VIT: variants seen among roughly 807,000 people sequenced by gnomAD.
The protein encoded by VIT is vitrin.
A neutral mutation model predicts 78.0 loss-of-function variants in VIT; 99 were observed. The observed-to-expected ratio is 1.27, with a 90% confidence interval of 1.08 to 1.50. The LOEUF is 1.50. VIT is among the 40% of genes most tolerant of loss of function. The pLI, the probability that VIT is intolerant of heterozygous loss-of-function variation, is 0.00. For missense variants in VIT, 1,126 were observed against 875.3 expected (o/e 1.29, Z -3.61); for synonymous variants, 374 against 334.3 (o/e 1.12, Z -1.29).
intron 12 of VIT, among the ~76,000 whole-genome samples, chr2:36,793,574 A>T (rs1024335788): frequency 2.0e-5 from 3 of 152,240 alleles, no homozygotes; most frequent in Non-Finnish European, 2.9e-5. Flanking sequence ...CTGTCGTGTG[A>T]CCTGAAACAT....
intron 12 of VIT, among the ~76,000 whole-genome samples, chr2:36,788,897 A>G (rs1248735695): frequency 1.3e-5 from 2 of 152,318 alleles, no homozygotes; most frequent in East Asian, 3.9e-4. Flanking sequence ...TGATGAGAGC[A>G]TGGATTAGAG....
chr2:36,802,163 G>A (rs1217532507), intron 13 of VIT, among the ~76,000 whole-genome samples: 1 of 152,208 alleles, frequency 6.6e-6, no homozygotes, highest in East Asian at 1.9e-4. Flanking sequence ...CTAGTCCTCA[G>A]TGGGGCATGT....
At chr2:36,805,308 G>GAAAA (rs567911067) in intron 13 of VIT, 130 bp from the exon 14 acceptor site, 2,123 of 583,638 alleles carry the variant, frequency 3.6e-3, no homozygotes, top group South Asian at 6.6e-3. Context: ...TGTCTCAAAG[G>GAAAA]AAAAAAAAAA....
chr2:36,720,547 G>C (rs975067863), intron 2 of VIT, among the ~76,000 whole-genome samples: 2 of 152,160 alleles, frequency 1.3e-5, no homozygotes, highest in Admixed American at 6.5e-5. Flanking sequence ...GTGTACCAAA[G>C]GATGTTATAC....
intron 1 of VIT, among the ~76,000 whole-genome samples, chr2:36,701,576 T>A (rs1665060010): frequency 6.6e-6 from 1 of 152,156 alleles, no homozygotes; most frequent in South Asian, 2.1e-4. Flanking sequence ...CAGGCTATAG[T>A]GAGAAGGCAT....
At chr2:36,765,414 C>CGA (rs71398212) in intron 6 of VIT, among the ~76,000 whole-genome samples, 7 of 6,450 alleles carry the variant, frequency 1.1e-3, no homozygotes, top group African/African-American at 1.6e-3. Context: ...TGGCAGCAGG[C>CGA]GAGAGAGAGA....
At chr2:36,739,875 C>CTT (rs1667734049) in intron 3 of VIT, among the ~76,000 whole-genome samples, 1 of 152,124 alleles carries the variant, frequency 6.6e-6, no homozygotes, top group Non-Finnish European at 1.5e-5. Context: ...CCCTCACGGA[C>CTT]GCTAGCAACT....
At chr2:36,720,162 A>C (rs560556415) in intron 2 of VIT, among the ~76,000 whole-genome samples, 1 of 152,328 alleles carries the variant, frequency 6.6e-6, no homozygotes, top group African/African-American at 2.4e-5. Context: ...ATATGGAAAC[A>C]GAAAAGATTC....
At chr2:36,712,788 T>C (rs1044146584) in intron 1 of VIT, among the ~76,000 whole-genome samples, 5 of 152,220 alleles carry the variant, frequency 3.3e-5, no homozygotes, top group African/African-American at 1.2e-4. Flanking sequence ...TGAGCTGAGA[T>C]TGCAGCATTG....
intron 2 of VIT, among the ~76,000 whole-genome samples, chr2:36,716,774 C>G (rs1666161502): frequency 2.0e-5 from 3 of 150,866 alleles, no homozygotes; most frequent in Admixed American, 2.0e-4. Flanking sequence ...TAAGGATCTT[C>G]TTATTTCTTA....
intron 3 of VIT, among the ~76,000 whole-genome samples, chr2:36,734,419 G>A (rs1473681891): frequency 6.6e-6 from 1 of 152,092 alleles, no homozygotes; most frequent in African/African-American, 2.4e-5. Context: ...CTAGGCAGGG[G>A]GCACTCTCCT....
At chr2:36,754,023 G>A (rs1253094609) in intron 4 of VIT, among the ~76,000 whole-genome samples, 1 of 152,226 alleles carries the variant, frequency 6.6e-6, no homozygotes. Flanking sequence ...ACTCAGGTAT[G>A]CTGGGAGAAC....
chr2:36,784,706 C>T (rs1218335329), intron 11 of VIT, among the ~76,000 whole-genome samples: 2 of 152,248 alleles, frequency 1.3e-5, no homozygotes, highest in Non-Finnish European at 2.9e-5. Context: ...ATCTTACTTT[C>T]TCTTCCTTGA....
At chr2:36,700,806 T>C (rs1432705590) in intron 1 of VIT, among the ~76,000 whole-genome samples, 4 of 152,104 alleles carry the variant, frequency 2.6e-5, no homozygotes, top group Non-Finnish European at 5.9e-5. Context: ...CACCCACTGT[T>C]CAAGCCCTTT....
At chr2:36,716,716 A>G (rs1381495432) in intron 2 of VIT, among the ~76,000 whole-genome samples, 3 of 152,148 alleles carry the variant, frequency 2.0e-5, no homozygotes, top group African/African-American at 7.2e-5. Context: ...TGTATTCCTC[A>G]GCAATTAGCA....
intron 4 of VIT, among the ~76,000 whole-genome samples, chr2:36,750,024 T>C (rs1425457649): frequency 6.6e-6 from 1 of 152,212 alleles, no homozygotes; most frequent in East Asian, 1.9e-4. Context: ...AGGAGTGAAC[T>C]GGTTTTTCAA....
At chr2:36,735,740 T>G (rs1262748116) in intron 3 of VIT, among the ~76,000 whole-genome samples, 2 of 152,226 alleles carry the variant, frequency 1.3e-5, no homozygotes, top group African/African-American at 4.8e-5. Context: ...CACTCCCACC[T>G]TCCCAGTCTT....
At chr2:36,790,252 A>G (rs915327121) in intron 12 of VIT, among the ~76,000 whole-genome samples, 2 of 152,150 alleles carry the variant, frequency 1.3e-5, no homozygotes, top group African/African-American at 4.8e-5. Context: ...TGGAAAGGAA[A>G]GTGTTCACAG....
At chr2:36,790,767 C>G (rs1196929699) in intron 12 of VIT, among the ~76,000 whole-genome samples, 1 of 152,236 alleles carries the variant, frequency 6.6e-6, no homozygotes, top group Non-Finnish European at 1.5e-5. Flanking sequence ...CTTTTCACCT[C>G]CTGAAGACTG....
Sources: gnomAD v4.1 joint callset for allele counts (sites outside exome capture counted in the v4.1 genomes callset) on GRCh38, gnomAD v4.1.1 for gene constraint, MANE v1.5 for transcripts, NCBI Gene and HGNC (gene_info 2026-07-23, HGNC 2026-07-21) for gene names.